AGAP1: variants seen among roughly 807,000 people sequenced by gnomAD.
AGAP1 encodes ArfGAP with GTPase domain, ankyrin repeat and PH domain 1, also known as arf-GAP with GTPase, ANK repeat and PH domain-containing protein 1.
AGAP1 carries 29 observed loss-of-function variants against 105.3 expected under a neutral mutation model. The ratio of observed to expected loss-of-function variants is 0.28; its 90% CI spans 0.21 to 0.38. AGAP1 has a LOEUF of 0.38. AGAP1 is among the 10% of genes least tolerant of loss of function. The pLI is 1.00. For missense variants in AGAP1, 998 were observed against 1,165.1 expected, an observed-to-expected ratio of 0.86 and a Z score of 2.09; for synonymous variants, 509 against 485.9, an observed-to-expected ratio of 1.05 and a Z score of -0.63.
chr2:235,873,047 C>T (rs1288527081), intron 9 of AGAP1, among the ~76,000 whole-genome samples: 2 of 152,200 alleles, frequency 1.3e-5, no homozygotes, highest in Non-Finnish European at 2.9e-5. Flanking sequence ...GGAGATCATC[C>T]AGGCAGCTCT....
chr2:235,836,679 G>A lies in AGAP1; in HGVS notation c.1050+29348G>A, dbSNP rs145172117. On this transcript the variant is annotated intron_variant, in intron 9 of 17. Transcript: ENST00000304032. Reference sequence around the variant, plus strand: ...GGGGGCAGGCATTTAAAGTTAACCAGTTTAAGTGGGTGATTCCAAAAGTCC... The same window carrying A: ...GGGGGCAGGCATTTAAAGTTAACCAATTTAAGTGGGTGATTCCAAAAGTCC... Among the ~76,000 whole-genome samples, 577 of 152,306 alleles carry A rather than the reference G, an allele frequency of 3.8e-3. 2 individuals are homozygous for A. Among genetic ancestry groups the A allele is most frequent in the Middle Eastern group, 6.8e-3 (2 of 294 alleles).
In AGAP1 at chr2:235,692,564, C is replaced by A. The variant is rs1306806140; in HGVS notation, c.164-16615C>A. Among the ~76,000 whole-genome samples, 2 of 150,394 alleles carry A rather than the reference C, an allele frequency of 1.3e-5. No homozygotes were observed. The highest frequency in any genetic ancestry group is 2.5e-5 in the African/African-American group (1 of 39,846). On this transcript the variant is annotated intron_variant, in intron 1 of 17. Coordinates refer to ENST00000304032, the MANE Select transcript of AGAP1 (RefSeq NM_001037131.3). This position sits in a 1 kb window ranked among gnomAD's most constrained non-coding sequence, Gnocchi z 5.8. ...CGCCCTGCTGCCCCTATGCTCTCCC[C>A]CCTTGCCCTCCCCCCTTGCCTTCCT...
chr2:235,853,227 A>G lies in AGAP1; in HGVS notation c.1051-30118A>G, dbSNP rs114570849. The G allele has an allele frequency of 8.8e-3, 8,990 of 1,016,686 alleles. 44 individuals are homozygous for G. Among genetic ancestry groups the G allele is most frequent in the Non-Finnish European group, 0.01 (8,570 of 851,462 alleles). 63.0% of individuals were successfully genotyped at this position (1,016,686 alleles called of 1,614,324 possible). On this transcript the variant is annotated intron_variant, in intron 9 of 17. Coordinates refer to ENST00000304032, the MANE Select transcript of AGAP1 (RefSeq NM_001037131.3). ...AGCGGATCTGTCTTGACTGCGTTTT[A>G]TAGACTGGATGAGAGAAAAACGGGG... is the stretch of plus-strand genomic sequence containing the variant.
chr2:236,024,090 G>A (rs1354994561), intron 13 of AGAP1, among the ~76,000 whole-genome samples: 8 of 149,112 alleles, frequency 5.4e-5, no homozygotes, highest in African/African-American at 2.0e-4. Flanking sequence ...GAGTGCAGTG[G>A]TGTGATCTTG....
intron 9 of AGAP1, among the ~76,000 whole-genome samples, chr2:235,853,793 G>A (rs1559565633): frequency 6.6e-6 from 1 of 152,168 alleles, no homozygotes; most frequent in African/African-American, 2.4e-5. Flanking sequence ...AGACTGGTGT[G>A]TGTGGATGGG....
intron 12 of AGAP1, among the ~76,000 whole-genome samples, chr2:235,954,889 C>T (rs2053883869): frequency 6.6e-6 from 1 of 152,154 alleles, no homozygotes. Context: ...CTCTCTGTCC[C>T]TCCATGTGTC....
At chr2:235,773,834 C>T (rs1178923049) in intron 6 of AGAP1, 2 of 429,414 alleles carry the variant, frequency 4.7e-6, no homozygotes, top group Admixed American at 6.1e-5. Flanking sequence ...ACTGTCCTTG[C>T]ACCAAAAAAA....
In AGAP1 at chr2:235,801,505, C is replaced by T. The variant is rs1327499883; in HGVS notation, c.957+1983C>T. ...GATAACATGTTTTATTGGGCAGTTT[C>T]TTCACACACACCGAGAACAGCAGCA... On this transcript the variant is annotated intron_variant, in intron 8 of 17. Transcript: ENST00000304032. This position sits in a 1 kb window ranked among gnomAD's most constrained non-coding sequence, Gnocchi z 6.0. Among the ~76,000 whole-genome samples, 2 of 152,064 alleles carry T rather than the reference C, an allele frequency of 1.3e-5. No individual in the cohort carries two copies. The highest frequency in any genetic ancestry group is 1.3e-4 in the Admixed American group (2 of 15,278).
intron 1 of AGAP1, among the ~76,000 whole-genome samples, chr2:235,707,796 C>T (rs1950627396): frequency 6.6e-6 from 1 of 150,714 alleles, no homozygotes; most frequent in Non-Finnish European, 1.5e-5. Context: ...CAGCGTGTGA[C>T]CTGGTGGGAC....
At position 235,826,833 on chromosome 2, in the gene AGAP1, G is replaced by A. The variant is rs375191786; in HGVS notation, c.1050+19502G>A. 1.6e-4 allele frequency among the ~76,000 whole-genome samples: 25 copies of A among 152,234 alleles called. No homozygotes were observed. In the East Asian group the frequency reaches 3.1e-3, roughly 19 times the overall value. On this transcript the variant is annotated intron_variant, in intron 9 of 17. Coordinates refer to ENST00000304032, the MANE Select transcript of AGAP1 (RefSeq NM_001037131.3). ...CCTGTGGAGGTGGCTGGCTGTCTTC[G>A]TCACTTTTCTCCACAGAATGTTTCT...
rs979510205 is a variant in AGAP1 at position 235,864,457 on chromosome 2, C to T, written c.1051-18888C>T. On this transcript the variant is annotated intron_variant, in intron 9 of 17. Transcript: ENST00000304032. This position sits in a 1 kb window ranked among gnomAD's most constrained non-coding sequence, Gnocchi z 5.0. ...TTGTTTGCGGTTCTGGCCTCCAGGGCGGTCTGGGTGGGAGGAGGAGGTGGG... is the reference window on the plus strand; with the variant it reads ...TTGTTTGCGGTTCTGGCCTCCAGGGTGGTCTGGGTGGGAGGAGGAGGTGGG... Among the ~76,000 whole-genome samples, 46 of 152,274 alleles carry T rather than the reference C, an allele frequency of 3.0e-4. No individual in the cohort carries two copies. Among genetic ancestry groups the T allele is most frequent in the African/African-American group, 7.9e-4 (33 of 41,560 alleles).
chr2:236,013,552 C>T (rs139176130), intron 13 of AGAP1, among the ~76,000 whole-genome samples: 70 of 151,282 alleles, frequency 4.6e-4, no homozygotes, highest in African/African-American at 1.3e-3. Context: ...GCCTGCTTTG[C>T]GGGCTTAAGA....
At chr2:235,797,736 C>G (rs1371460240) in intron 6 of AGAP1, 23 bp from the exon 7 acceptor site, 2 of 1,613,992 alleles carry the variant, frequency 1.2e-6, no homozygotes, top group Admixed American at 1.7e-5. Context: ...ACATGGATTT[C>G]TTTTTGTCTG....
At chr2:235,671,012 G>A in intron 1 of AGAP1, 1 of 1,323,330 alleles carries the variant, frequency 7.6e-7, no homozygotes, top group Non-Finnish European at 9.6e-7. Flanking sequence ...CCCGGCCGAA[G>A]CGCACTCGTC....
chr2:235,694,690 C>T lies in AGAP1; in HGVS notation c.164-14489C>T, dbSNP rs563255907. 2.0e-5 allele frequency among the ~76,000 whole-genome samples: 3 copies of T among 152,210 alleles called. No homozygotes were observed. The South Asian group carries it at 6.2e-4, about 32-fold the overall frequency. ...GAAAAAAAGGAAGCTGCTACCTTCC[C>T]AAGGACACTTGCTCCTCCTCGTCTT... On this transcript the variant is annotated intron_variant, in intron 1 of 17. Transcript: ENST00000304032.
chr2:235,614,949 G>C lies in AGAP1; in HGVS notation c.164-94230G>C, dbSNP rs1387515671. Among the ~76,000 whole-genome samples, 1 of 152,196 alleles carries C rather than the reference G, an allele frequency of 6.6e-6. No individual in the cohort carries two copies. Among genetic ancestry groups the C allele is most frequent in the Non-Finnish European group, 1.5e-5 (1 of 68,046 alleles). On this transcript the variant is annotated intron_variant, in intron 1 of 17. Coordinates refer to ENST00000304032, the MANE Select transcript of AGAP1 (RefSeq NM_001037131.3). This position sits in a 1 kb window ranked among gnomAD's most constrained non-coding sequence, Gnocchi z 4.7. ...GTTCACTGGGGCCGACTTGAAAATAGTCAAAGTCCAAGTAAACTTCTGCCT... is the reference window on the plus strand; with the variant it reads ...GTTCACTGGGGCCGACTTGAAAATACTCAAAGTCCAAGTAAACTTCTGCCT...
chr2:235,544,117 T>G (rs971392371), intron 1 of AGAP1, among the ~76,000 whole-genome samples: 1 of 152,206 alleles, frequency 6.6e-6, no homozygotes, highest in African/African-American at 2.4e-5. Context: ...AGGCTAACGT[T>G]GAATATGCTC....
chr2:235,740,849 T>C lies in AGAP1; in HGVS notation c.311-114T>C. 1 of 1,196,404 alleles carries C rather than the reference T, an allele frequency of 8.4e-7. No homozygotes were observed. The highest frequency in any genetic ancestry group is 1.2e-6 in the Non-Finnish European group (1 of 837,844). The allele number at this position is 1,196,404 out of a possible 1,614,324, so 74.1% of individuals were successfully genotyped here. On this transcript the variant is annotated intron_variant, in intron 3 of 17. Transcript: ENST00000304032. This position sits in a 1 kb window ranked among gnomAD's most constrained non-coding sequence, Gnocchi z 5.7. ...TGCTGGCAACATCCTAAATACTCAG[T>C]TGCCTCCAGGGCGACAGCCTAGGGT...
intron 1 of AGAP1, among the ~76,000 whole-genome samples, chr2:235,533,201 C>T (rs1943101365): frequency 1.3e-5 from 2 of 152,110 alleles, no homozygotes; most frequent in South Asian, 4.2e-4. Flanking sequence ...AATAATGGTT[C>T]ATTAAAAACC....
Sources: allele counts gnomAD v4.1 joint callset (sites outside exome capture counted in the v4.1 genomes callset), GRCh38; gene constraint gnomAD v4.1.1; non-coding constraint Gnocchi (gnomAD v3.1); transcripts MANE v1.5; gene names NCBI Gene and HGNC (gene_info 2026-07-23, HGNC 2026-07-21).